Variants in SFMBT2 observed in about 807,000 individuals in gnomAD.
SFMBT2 encodes Scm like with four mbt domains 2.
In SFMBT2, 38 loss-of-function variants were observed where a neutral mutation model predicts 110.1. The ratio of observed to expected loss-of-function variants is 0.35; its 90% CI spans 0.27 to 0.45. SFMBT2 has a LOEUF of 0.45. Ranked by LOEUF, SFMBT2 falls within the 20% of genes least tolerant of loss-of-function variation. SFMBT2 has a pLI of 1.00. For missense variants in SFMBT2, 1,011 were observed against 1,094.9 expected, an observed-to-expected ratio of 0.92 and a Z score of 1.08; for synonymous variants, 425 against 425.4, an observed-to-expected ratio of 1.00 and a Z score of 0.01.
At chr10:7,204,127 C>A (rs769043051) in intron 12 of SFMBT2, 19 of 202,462 alleles carry the variant, frequency 9.4e-5, no homozygotes, top group Admixed American at 1.3e-4. Flanking sequence ...AACGATTACT[C>A]CAACTGAATC....
intron 4 of SFMBT2, among the ~76,000 whole-genome samples, chr10:7,337,600 T>C (rs190916388): frequency 1.3e-5 from 2 of 152,306 alleles, no homozygotes; most frequent in East Asian, 1.9e-4. Context: ...CCTTCCACCA[T>C]GATTGTAAGT....
At chr10:7,257,060 C>G (rs1841029919) in intron 7 of SFMBT2, among the ~76,000 whole-genome samples, 1 of 129,106 alleles carries the variant, frequency 7.7e-6, no homozygotes, top group Non-Finnish European at 1.6e-5. Flanking sequence ...CCACTGCACT[C>G]CAGCCTGGGT....
chr10:7,277,042 G>A (rs923003903), intron 6 of SFMBT2, 53 bp from the exon 7 acceptor site: 9 of 821,534 alleles, frequency 1.1e-5, no homozygotes, highest in Middle Eastern at 2.2e-4. Context: ...GTTCTGCCGG[G>A]TGACTCTTTC....
At chr10:7,271,957 G>A (rs764987370) in intron 7 of SFMBT2, among the ~76,000 whole-genome samples, 29 of 152,158 alleles carry the variant, frequency 1.9e-4, no homozygotes, top group Admixed American at 5.9e-4. Flanking sequence ...GGGAATTCTG[G>A]GAGCTACAAG....
Position 7,293,818 on chromosome 10 carries a change from C to T in SFMBT2, c.437-7864G>A, listed in dbSNP as rs1215053680. 6.6e-6 allele frequency among the ~76,000 whole-genome samples: 1 copy of T among 152,140 alleles called. No individual in the cohort carries two copies. The highest frequency in any genetic ancestry group is 1.5e-5 in the Non-Finnish European group (1 of 68,030). On this transcript the variant is annotated intron_variant, in intron 4 of 20. Coordinates refer to ENST00000397167, the MANE Select transcript of SFMBT2 (RefSeq NM_001387889.1). The surrounding 1 kb of genome is among the most constrained non-coding windows in gnomAD (Gnocchi z 4.6). ...GTTAGGAACCCAGGGTCTTTCAATC[C>T]TGTCACTCTGCTCTAAGTGAGGGCA...
intron 4 of SFMBT2, among the ~76,000 whole-genome samples, chr10:7,358,623 G>A (rs562146825): frequency 4.6e-5 from 7 of 152,006 alleles, no homozygotes; most frequent in South Asian, 2.1e-4. Context: ...ATGGAGGCAC[G>A]GCTCTAGAAC....
chr10:7,259,268 G>A (rs573711547), intron 7 of SFMBT2, among the ~76,000 whole-genome samples: 27 of 152,288 alleles, frequency 1.8e-4, no homozygotes, highest in African/African-American at 3.6e-4. Flanking sequence ...ACCCCTCTAC[G>A]TGCTCTGCCA....
chr10:7,315,835 C>T (rs961047767), intron 4 of SFMBT2, among the ~76,000 whole-genome samples: 1 of 152,236 alleles, frequency 6.6e-6, no homozygotes, highest in Non-Finnish European at 1.5e-5. Context: ...ACAGTCCCCA[C>T]CTCACAGGCT....
At chr10:7,409,056 C>A (rs902200890) in intron 1 of SFMBT2, among the ~76,000 whole-genome samples, 2 of 152,020 alleles carry the variant, frequency 1.3e-5, no homozygotes, top group African/African-American at 4.8e-5. Context: ...GTGCTTGTCT[C>A]CCAGAGCCGC....
chr10:7,381,363 G>C (rs1845416589), intron 2 of SFMBT2, among the ~76,000 whole-genome samples: 1 of 152,124 alleles, frequency 6.6e-6, no homozygotes, highest in African/African-American at 2.4e-5. Context: ...AACCTCCCTT[G>C]CTGTGGCAGA....
intron 4 of SFMBT2, among the ~76,000 whole-genome samples, chr10:7,323,059 C>A (rs556324262): frequency 6.6e-6 from 1 of 152,100 alleles, no homozygotes; most frequent in Non-Finnish European, 1.5e-5. Context: ...GCAGAGAAAG[C>A]AAATTGAAAA....
chr10:7,219,504 T>C (rs369217487), intron 11 of SFMBT2: 2 of 153,298 alleles, frequency 1.3e-5, no homozygotes, highest in African/African-American at 4.8e-5. Context: ...AGACATTTTA[T>C]AGATGCATAG....
chr10:7,204,600 C>A, intron 12 of SFMBT2: 3 of 690,792 alleles, frequency 4.3e-6, no homozygotes, highest in Non-Finnish European at 5.3e-6. Flanking sequence ...CACTATTAGC[C>A]AGGCGTGGCC....
At chr10:7,310,763 G>T (rs547632535) in intron 4 of SFMBT2, among the ~76,000 whole-genome samples, 2 of 152,198 alleles carry the variant, frequency 1.3e-5, no homozygotes, top group Admixed American at 6.5e-5. Flanking sequence ...ATGTCAGCCA[G>T]GGCTAGACGC....
Position 7,405,382 on chromosome 10 carries a change from T to C in SFMBT2, c.-52+5479A>G, listed in dbSNP as rs532208710. On this transcript the variant is annotated intron_variant, in intron 1 of 20. Transcript: ENST00000397167. ...TGCTCTAACCCAGTCCATACCTTTATGGGGTTATGTGGGAAGGCCACATAT... is the reference window on the plus strand; with the variant it reads ...TGCTCTAACCCAGTCCATACCTTTACGGGGTTATGTGGGAAGGCCACATAT... Among the ~76,000 whole-genome samples, 22 of 152,334 alleles carry C rather than the reference T, an allele frequency of 1.4e-4. 1 individual carries two copies. In the South Asian group the frequency reaches 4.1e-3, roughly 29 times the overall value.
intron 1 of SFMBT2, among the ~76,000 whole-genome samples, chr10:7,409,883 G>A (rs965849250): frequency 6.6e-6 from 1 of 151,658 alleles, no homozygotes; most frequent in Non-Finnish European, 1.5e-5. Context: ...ACACGAGTAC[G>A]GATCAGGCTC....
At chr10:7,251,855 T>C (rs977691416) in intron 7 of SFMBT2, among the ~76,000 whole-genome samples, 6 of 152,294 alleles carry the variant, frequency 3.9e-5, no homozygotes, top group African/African-American at 1.2e-4. Flanking sequence ...TCCTGAGGTC[T>C]GGTGCACGGG....
In SFMBT2 at chr10:7,188,702, T is replaced by C; in HGVS notation, c.1730A>G (p.Lys577Arg). Reference sequence around the variant, plus strand: ...TAATTCTCTTAATACCCTTCCAGGCTTGTAGGCTGCGTTGATTATCATGCT... The same window carrying C: ...TAATTCTCTTAATACCCTTCCAGGCCTGTAGGCTGCGTTGATTATCATGCT... ...VLSMIINAAY[K>R]PGRVLRELQL... Residue 577 changes from lysine (K) to arginine (R), a missense_variant, in exon 16 of 21, where the codon AAG becomes AGG. Physicochemically the swap from Lys to Arg is conservative, Grantham distance 26 (BLOSUM62 2). This residue lies in a region of SFMBT2 where 979 missense variants were observed against 1,016.1 expected (regional missense o/e 0.96). Transcript: ENST00000397167. The C allele has an allele frequency of 6.2e-7, 1 of 1,613,524 alleles. No individual in the cohort carries two copies. The highest frequency in any genetic ancestry group is 8.5e-7 in the Non-Finnish European group (1 of 1,179,682).
intron 4 of SFMBT2, among the ~76,000 whole-genome samples, chr10:7,363,257 T>C (rs991817586): frequency 1.3e-5 from 2 of 152,182 alleles, no homozygotes; most frequent in African/African-American, 4.8e-5. Flanking sequence ...CCTGCCACCA[T>C]GTAAGACGTG....
Sources: allele counts gnomAD v4.1 joint callset (sites outside exome capture counted in the v4.1 genomes callset), GRCh38; gene constraint gnomAD v4.1.1; regional missense constraint gnomAD v4.1.1; non-coding constraint Gnocchi (gnomAD v3.1); transcripts MANE v1.5; gene names NCBI Gene and HGNC (gene_info 2026-07-23, HGNC 2026-07-21).